The following SEMA6D variants were observed in gnomAD, a reference collection of about 807,000 sequenced individuals.
SEMA6D encodes semaphorin 6D.
Under a neutral mutation model 106.6 loss-of-function variants are expected in SEMA6D, and 35 were observed. That is an observed-to-expected ratio of 0.33 (90% CI 0.25 to 0.44). The LOEUF (loss-of-function observed/expected upper bound fraction) is 0.44. SEMA6D is among the 20% of genes least tolerant of loss of function. SEMA6D has a pLI of 1.00. For missense variants in SEMA6D, 1,185 were observed against 1,345.9 expected, an observed-to-expected ratio of 0.88 and a Z score of 1.87; for synonymous variants, 499 against 487.7, an observed-to-expected ratio of 1.02 and a Z score of -0.31.
At chr15:47,237,932 G>A (rs377027989) in intron 1 of SEMA6D, among the ~76,000 whole-genome samples, 29 of 152,150 alleles carry the variant, frequency 1.9e-4, no homozygotes, top group African/African-American at 6.7e-4. Context: ...TCAACAAGTA[G>A]CAACCAAAGA....
intron 1 of SEMA6D, among the ~76,000 whole-genome samples, chr15:47,721,519 A>G (rs1172267020): frequency 1.3e-5 from 2 of 152,196 alleles, no homozygotes; most frequent in Non-Finnish European, 2.9e-5. Flanking sequence ...TGACACACGG[A>G]GAGAATAAAA....
intron 1 of SEMA6D, among the ~76,000 whole-genome samples, chr15:47,365,870 AAGAAAG>A (rs2038992382): frequency 7.3e-6 from 1 of 136,526 alleles, no homozygotes; most frequent in Non-Finnish European, 1.6e-5. Flanking sequence ...CAAAGAAAGA[AAGAAAG>A]AGAGAGAGAG....
chr15:47,466,068 A>G (rs898240139), intron 2 of SEMA6D, among the ~76,000 whole-genome samples: 1 of 152,200 alleles, frequency 6.6e-6, no homozygotes, highest in Non-Finnish European at 1.5e-5. Context: ...AAGGTATGCA[A>G]AATGATTTGA....
At chr15:47,497,918 T>C (rs74554575) in intron 3 of SEMA6D, among the ~76,000 whole-genome samples, 1 of 152,120 alleles carries the variant, frequency 6.6e-6, no homozygotes, top group East Asian at 1.9e-4. Flanking sequence ...CCTTCATCTG[T>C]CTAATGCAAA....
intron 4 of SEMA6D, among the ~76,000 whole-genome samples, chr15:47,650,688 T>C (rs1455719325): frequency 6.6e-6 from 1 of 152,150 alleles, no homozygotes; most frequent in Non-Finnish European, 1.5e-5. Context: ...CTATAGAGAA[T>C]AGGAAAATGC....
chr15:47,748,851 G>C (rs2081278348), intron 1 of SEMA6D, among the ~76,000 whole-genome samples: 1 of 152,114 alleles, frequency 6.6e-6, no homozygotes, highest in Non-Finnish European at 1.5e-5. Context: ...GATCATTCTG[G>C]TGGCATTGTG....
At chr15:47,473,579 G>A (rs781541882) in intron 3 of SEMA6D, among the ~76,000 whole-genome samples, 1 of 152,170 alleles carries the variant, frequency 6.6e-6, no homozygotes, top group Non-Finnish European at 1.5e-5. Flanking sequence ...CCAGCATTAT[G>A]CCTCTTCATA....
intron 3 of SEMA6D, among the ~76,000 whole-genome samples, chr15:47,485,736 AGTGCTATGGCTGTCT>A (rs1196420958): frequency 6.6e-6 from 1 of 152,198 alleles, no homozygotes; most frequent in Non-Finnish European, 1.5e-5. Flanking sequence ...ACCGAGCCAC[AGTGCTATGGCTGTCT>A]GTGCCATATT....
intron 3 of SEMA6D, among the ~76,000 whole-genome samples, chr15:47,514,396 A>G (rs2044323166): frequency 6.6e-6 from 1 of 152,148 alleles, no homozygotes; most frequent in Admixed American, 6.6e-5. Context: ...CTCTCTTCCA[A>G]GTTCCAAATT....
chr15:47,200,325 A>G (rs1027524193), intron 1 of SEMA6D, among the ~76,000 whole-genome samples: 1 of 152,102 alleles, frequency 6.6e-6, no homozygotes, highest in African/African-American at 2.4e-5. Context: ...CAAGACTATA[A>G]AGGACTAGGA....
At chr15:47,240,847 T>C (rs62013993) in intron 1 of SEMA6D, among the ~76,000 whole-genome samples, 1,779 of 152,280 alleles carry the variant, frequency 0.012, 34 homozygotes, top group Admixed American at 0.012. Context: ...ATTATATGAA[T>C]ATGTTTTCTT....
intron 1 of SEMA6D, among the ~76,000 whole-genome samples, chr15:47,318,211 A>G (rs1343961450): frequency 3.3e-5 from 5 of 150,896 alleles, no homozygotes; most frequent in African/African-American, 1.2e-4. Context: ...CCTTTTATAG[A>G]AGTTGCGAAT....
intron 1 of SEMA6D, among the ~76,000 whole-genome samples, chr15:47,253,618 CTT>C (rs1308024246): frequency 6.6e-6 from 1 of 152,134 alleles, no homozygotes; most frequent in Non-Finnish European, 1.5e-5. Context: ...AAAAGACTGT[CTT>C]TTCCCCAACA....
chr15:47,385,836 A>C (rs1401631629), intron 1 of SEMA6D, among the ~76,000 whole-genome samples: 1 of 152,246 alleles, frequency 6.6e-6, no homozygotes, highest in Non-Finnish European at 1.5e-5. Context: ...AAATAGGATG[A>C]GCTACCTAGC....
At chr15:47,306,574 G>A (rs943231737) in intron 1 of SEMA6D, among the ~76,000 whole-genome samples, 1 of 152,096 alleles carries the variant, frequency 6.6e-6, no homozygotes, top group Non-Finnish European at 1.5e-5. Context: ...GTACAAACAG[G>A]TGTGGTGGCA....
At chr15:47,481,245 C>G (rs912847628) in intron 3 of SEMA6D, among the ~76,000 whole-genome samples, 1 of 152,046 alleles carries the variant, frequency 6.6e-6, no homozygotes, top group Non-Finnish European at 1.5e-5. Flanking sequence ...AGGTGAGCAG[C>G]CACAAACTCT....
At chr15:47,334,585 G>C (rs1212469034) in intron 1 of SEMA6D, among the ~76,000 whole-genome samples, 1 of 152,132 alleles carries the variant, frequency 6.6e-6, no homozygotes, top group Non-Finnish European at 1.5e-5. Flanking sequence ...GTTGATTACT[G>C]TTATTTTGTT....
intron 3 of SEMA6D, among the ~76,000 whole-genome samples, chr15:47,587,604 G>T (rs1273278725): frequency 6.6e-6 from 1 of 152,076 alleles, no homozygotes. Flanking sequence ...TAAAGGACAA[G>T]CTAGTCAATA....
intron 1 of SEMA6D, among the ~76,000 whole-genome samples, chr15:47,756,896 AT>A (rs71719777): frequency 0.037 from 4,932 of 133,604 alleles, 142 homozygotes; most frequent in African/African-American, 0.082. Context: ...TCTGAATGTA[AT>A]TTTTTTTTTT....
Sources: allele counts gnomAD v4.1 joint callset (sites outside exome capture counted in the v4.1 genomes callset), GRCh38; gene constraint gnomAD v4.1.1; transcripts MANE v1.5; gene names NCBI Gene and HGNC (gene_info 2026-07-23, HGNC 2026-07-21).